MICU1: variants seen among roughly 807,000 people sequenced by gnomAD.
The protein encoded by MICU1 is mitochondrial calcium uptake 1, also known as calcium uptake protein 1, mitochondrial.
A neutral mutation model predicts 56.8 loss-of-function variants in MICU1; 45 were observed. The ratio of observed to expected loss-of-function variants is 0.79; its 90% CI spans 0.62 to 1.02. MICU1 has a LOEUF of 1.02. Among genes scored for constraint, MICU1 ranks in the 50% least tolerant of loss-of-function variants. The probability of loss-of-function intolerance (pLI) is 0.00; values close to 1 mark genes in which losing one functional copy is unlikely to be tolerated. For missense variants in MICU1, 504 were observed against 587.1 expected (o/e 0.86, Z 1.46); for synonymous variants, 186 against 195.1 (o/e 0.95, Z 0.39).
intron 4 of MICU1, among the ~76,000 whole-genome samples, chr10:72,547,589 T>G (rs1839928699): frequency 6.6e-6 from 1 of 151,352 alleles, no homozygotes; most frequent in South Asian, 2.1e-4. Flanking sequence ...CAAAGAAGAA[T>G]AAAATGATTT....
At chr10:72,508,093 A>G in intron 6 of MICU1, 62 bp downstream of exon 6, 1 of 747,436 alleles carries the variant, frequency 1.3e-6, no homozygotes, top group Non-Finnish European at 2.0e-6. Context: ...AAACATATAA[A>G]CAATTATGTT....
At chr10:72,544,577 T>C (rs144283348) in intron 4 of MICU1, among the ~76,000 whole-genome samples, 9 of 152,334 alleles carry the variant, frequency 5.9e-5, no homozygotes, top group Non-Finnish European at 8.8e-5. Context: ...TTTTTCTATA[T>C]AGAACTTTAA....
At chr10:72,382,980 TA>T (rs1368867968) in intron 10 of MICU1, among the ~76,000 whole-genome samples, 1 of 152,206 alleles carries the variant, frequency 6.6e-6, no homozygotes, top group East Asian at 1.9e-4. Flanking sequence ...AAGTTGTTTT[TA>T]ATTAGGACAG....
intron 1 of MICU1, among the ~76,000 whole-genome samples, chr10:72,596,739 G>C (rs1841390985): frequency 6.6e-6 from 1 of 151,392 alleles, no homozygotes; most frequent in East Asian, 2.0e-4. Context: ...CAGGCATGGT[G>C]GTGGGCACCT....
At chr10:72,617,968 C>A (rs1842021182) in intron 1 of MICU1, among the ~76,000 whole-genome samples, 1 of 152,178 alleles carries the variant, frequency 6.6e-6, no homozygotes, top group Admixed American at 6.5e-5. Context: ...GAGTTAGAGA[C>A]CAGCCTGGCC....
intron 6 of MICU1, among the ~76,000 whole-genome samples, chr10:72,488,345 T>C (rs930457247): frequency 7.9e-5 from 12 of 152,146 alleles, no homozygotes; most frequent in Admixed American, 2.6e-4. Flanking sequence ...TTCTGTAATA[T>C]GGCAAAGAAT....
At chr10:72,601,473 A>G (rs1040743998) in intron 1 of MICU1, among the ~76,000 whole-genome samples, 1 of 151,372 alleles carries the variant, frequency 6.6e-6, no homozygotes, top group African/African-American at 2.4e-5. Flanking sequence ...GAATTAATGA[A>G]AAAAGAAAGA....
intron 8 of MICU1, among the ~76,000 whole-genome samples, chr10:72,447,360 A>G (rs1462405237): frequency 6.6e-6 from 1 of 152,220 alleles, no homozygotes; most frequent in African/African-American, 2.4e-5. Context: ...CAAGATCATA[A>G]TATAGGCTAG....
chr10:72,621,764 T>C (rs1842110344), intron 1 of MICU1, among the ~76,000 whole-genome samples: 2 of 152,172 alleles, frequency 1.3e-5, no homozygotes, highest in East Asian at 3.8e-4. Context: ...GTACTAAACA[T>C]GTAATAACAG....
In MICU1 at chr10:72,569,206, CATATAT is replaced by C. The variant is rs1211580394; in HGVS notation, c.-1-2418_-1-2413del. Among the ~76,000 whole-genome samples the C allele has an allele frequency of 5.4e-3, 368 of 68,026 alleles. 21 individuals carry two copies. Among genetic ancestry groups the C allele is most frequent in the Non-Finnish European group, 7.8e-3 (301 of 38,538 alleles). The allele number at this position is 68,026 out of a possible 152,430, so 44.6% of individuals were successfully genotyped here. A position where few individuals can be genotyped will look rare whatever the true frequency, so the allele number is the denominator to read the frequency against. On this transcript the variant is annotated intron_variant, in intron 1 of 11. Transcript: ENST00000361114. The stretch of plus-strand genomic sequence containing the variant: ...ATACATTTCTAAAATCATATATATG[CATATAT>C]ATATATATATATATATATATATATA...
intron 6 of MICU1, among the ~76,000 whole-genome samples, chr10:72,478,065 C>G (rs553357719): frequency 6.6e-6 from 1 of 152,020 alleles, no homozygotes; most frequent in East Asian, 1.9e-4. Flanking sequence ...GACGGGGTTT[C>G]ACCATGTTGA....
chr10:72,547,952 C>CTT (rs1839937211), intron 4 of MICU1, among the ~76,000 whole-genome samples: 1 of 152,134 alleles, frequency 6.6e-6, no homozygotes, highest in African/African-American at 2.4e-5. Flanking sequence ...TCTGAGAAAC[C>CTT]ATGTAGTCTG....
intron 8 of MICU1, among the ~76,000 whole-genome samples, chr10:72,474,128 T>C (rs1866032975): frequency 6.6e-6 from 1 of 151,602 alleles, no homozygotes; most frequent in South Asian, 2.1e-4. Flanking sequence ...TGGTGGCACA[T>C]GCCTGTAATT....
intron 8 of MICU1, among the ~76,000 whole-genome samples, chr10:72,465,775 A>C (rs1218567261): frequency 6.6e-6 from 1 of 151,862 alleles, no homozygotes; most frequent in Admixed American, 6.6e-5. Context: ...CGGCCTCCCA[A>C]AGTACTGGGA....
chr10:72,478,738 G>T (rs78531657), intron 6 of MICU1, among the ~76,000 whole-genome samples: 2 of 152,128 alleles, frequency 1.3e-5, no homozygotes. Flanking sequence ...TAGTTGCCTG[G>T]GTGAATCATG....
intron 6 of MICU1, among the ~76,000 whole-genome samples, chr10:72,497,685 T>C (rs1866893549): frequency 6.6e-6 from 1 of 152,136 alleles, no homozygotes. Context: ...TCTAAGGAAC[T>C]GGGATCAGGG....
intron 6 of MICU1, among the ~76,000 whole-genome samples, chr10:72,499,199 C>A (rs1206644611): frequency 2.6e-5 from 4 of 152,086 alleles, no homozygotes; most frequent in Non-Finnish European, 5.9e-5. Flanking sequence ...CTCTGCTTAG[C>A]CTTGAACAAA....
intron 5 of MICU1, among the ~76,000 whole-genome samples, chr10:72,513,514 T>C (rs1199486522): frequency 1.3e-5 from 2 of 152,208 alleles, no homozygotes; most frequent in Non-Finnish European, 2.9e-5. Flanking sequence ...GTGTTGCCCC[T>C]TCACTCTTGA....
chr10:72,507,320 T>C (rs928867943), intron 6 of MICU1, among the ~76,000 whole-genome samples: 4 of 152,160 alleles, frequency 2.6e-5, no homozygotes, highest in Non-Finnish European at 2.9e-5. Flanking sequence ...CAAAAAGTAA[T>C]AAAATTTAAA....
Sources: gnomAD v4.1 joint callset for allele counts (sites outside exome capture counted in the v4.1 genomes callset) on GRCh38, gnomAD v4.1.1 for gene constraint, MANE v1.5 for transcripts, NCBI Gene and HGNC (gene_info 2026-07-23, HGNC 2026-07-21) for gene names.